SH3D19: variants seen among roughly 807,000 people sequenced by gnomAD.
The protein encoded by SH3D19 is SH3 domain containing 19, also known as SH3 domain-containing protein 19.
A neutral mutation model predicts 112.1 loss-of-function variants in SH3D19; 58 were observed. The observed-to-expected ratio is 0.52, with a 90% CI of 0.42 to 0.64. SH3D19 has a LOEUF of 0.64. SH3D19 is among the 30% of genes least tolerant of loss of function. The pLI, the probability that SH3D19 is intolerant of heterozygous loss-of-function variation, is 0.00. For synonymous variants in SH3D19, 391 were observed against 448.5 expected (o/e 0.87, Z 1.62); for missense variants, 1,090 against 1,263.4 (o/e 0.86, Z 2.08).
chr4:151,148,201 A>G lies in SH3D19; in HGVS notation c.1818-15T>C. The G allele has an allele frequency of 6.3e-7, 1 of 1,577,504 alleles. No individual in the cohort carries two copies. The highest frequency in any genetic ancestry group is 1.2e-5 in the South Asian group (1 of 83,560). ...CATTCACAGGTCTGAAAGTCAATGTAGTAGCCATGAGTCAGTGTTTTGATC... is the reference window on the plus strand; with the variant it reads ...CATTCACAGGTCTGAAAGTCAATGTGGTAGCCATGAGTCAGTGTTTTGATC... On this transcript the variant is annotated splice_polypyrimidine_tract_variant and intron_variant, in intron 10 of 19. Coordinates refer to ENST00000604030, the MANE Select transcript of SH3D19 (RefSeq NM_001378122.1).
chr4:151,204,658 A>G (rs1309753403), intron 2 of SH3D19, among the ~76,000 whole-genome samples: 1 of 152,228 alleles, frequency 6.6e-6, no homozygotes, highest in Non-Finnish European at 1.5e-5. Context: ...TGTTATTTTT[A>G]AAATCATGAT....
rs138418407 is a variant in SH3D19 at position 151,179,860 on chromosome 4, A to G, written c.194-463T>C. On this transcript the variant is annotated intron_variant, in intron 3 of 19. Coordinates refer to ENST00000604030, the MANE Select transcript of SH3D19 (RefSeq NM_001378122.1). ...TTTCATCTTTTGTCTAACTTATCTG[A>G]CATTTTATAACCTTTAAGTTGTTTT... Among the ~76,000 whole-genome samples the G allele has an allele frequency of 2.4e-4, 36 of 152,266 alleles. No individual in the cohort carries two copies. The East Asian group carries it at 6.9e-3, about 29-fold the overall frequency.
intron 2 of SH3D19, among the ~76,000 whole-genome samples, chr4:151,209,827 C>A (rs1765677306): frequency 6.6e-6 from 1 of 152,084 alleles, no homozygotes; most frequent in Non-Finnish European, 1.5e-5. Context: ...ATACAGATTT[C>A]CAGAGGCTGT....
intron 14 of SH3D19, among the ~76,000 whole-genome samples, 174 bp from the exon 15 acceptor site, chr4:151,135,306 T>A (rs978728941): frequency 2.0e-5 from 3 of 150,250 alleles, no homozygotes; most frequent in African/African-American, 4.9e-5. Flanking sequence ...GAATTTGGAT[T>A]AAAAAAAAAG....
rs867477223 is a variant in SH3D19, at chr4:151,139,811, C to A, written c.2260G>T (p.Ala754Ser). 1.2e-6 allele frequency: 2 copies of A among 1,614,156 alleles called. No homozygotes were observed. Among genetic ancestry groups the A allele is most frequent in the South Asian group, 2.2e-5 (2 of 91,066 alleles). The change falls in exon 13 of 20, where the codon GCT becomes TCT. Residue 754 changes from alanine (A) to serine (S), a missense_variant. Ala to Ser is a moderately conservative substitution (Grantham distance 99, BLOSUM62 1). Transcript: ENST00000604030. ...TCATGAAGAACGACAGCATGAGGAGCACCACTGTCAACAGGCTTCTGAGCG... is the reference window on the plus strand; with the variant it reads ...TCATGAAGAACGACAGCATGAGGAGAACCACTGTCAACAGGCTTCTGAGCG... ...SHAQKPVDSG[A>S]PHAVVLHDFP...
rs1158089079 is a variant in SH3D19, at chr4:151,174,948, G to A, written c.1256C>T (p.Ala419Val). The A allele has an allele frequency of 6.2e-7, 1 of 1,614,108 alleles. No individual in the cohort carries two copies. Among genetic ancestry groups the A allele is most frequent in the African/African-American group, 1.3e-5 (1 of 75,046 alleles). The change falls in exon 7 of 20, where the codon GCC becomes GTC. Residue 419 changes from alanine to valine, a missense_variant. Physicochemically the swap from Ala to Val is moderately conservative, Grantham distance 64. Coordinates refer to ENST00000604030, the MANE Select transcript of SH3D19 (RefSeq NM_001378122.1). Reference sequence around the variant, plus strand: ...TTTCTTCAGCAGCAAAGGCCGCGGGGCAGGAGTTGGCACTTTCTTCCCACT... The same window carrying A: ...TTTCTTCAGCAGCAAAGGCCGCGGGACAGGAGTTGGCACTTTCTTCCCACT... ...SDSGKKVPTP[A>V]PRPLLLKKSV...
At chr4:151,321,694 T>C (rs971982491) in intron 1 of SH3D19, among the ~76,000 whole-genome samples, 2 of 152,218 alleles carry the variant, frequency 1.3e-5, no homozygotes, top group African/African-American at 2.4e-5. Context: ...CTTAATTACA[T>C]GGAGTTTGCA....
intron 1 of SH3D19, among the ~76,000 whole-genome samples, chr4:151,308,839 T>C (rs1580460997): frequency 6.6e-6 from 1 of 152,212 alleles, no homozygotes; most frequent in East Asian, 1.9e-4. Context: ...CATTTTCAAA[T>C]ACCTTCTGAA....
chr4:151,312,767 G>C (rs898340347), intron 1 of SH3D19, among the ~76,000 whole-genome samples: 1 of 151,950 alleles, frequency 6.6e-6, no homozygotes, highest in Non-Finnish European at 1.5e-5. Flanking sequence ...TGGGCCTGGT[G>C]GTGGGCACCT....
At chr4:151,257,645 G>A (rs1772039933) in intron 1 of SH3D19, among the ~76,000 whole-genome samples, 2 of 152,142 alleles carry the variant, frequency 1.3e-5, no homozygotes, top group East Asian at 1.9e-4. Flanking sequence ...GGCTGGGTGC[G>A]GTGGCTCAAG....
chr4:151,296,603 C>T (rs1775732524), intron 1 of SH3D19, among the ~76,000 whole-genome samples: 1 of 152,122 alleles, frequency 6.6e-6, no homozygotes, highest in African/African-American at 2.4e-5. Flanking sequence ...ATAATAGGGA[C>T]ACCTTTACTT....
rs114415469 is a variant in SH3D19, at chr4:151,205,984, A to G, written c.153-18521T>C. ...CTTCACTATCTCACAAAAAGTTCAC[A>G]TACAGTTGACTGTTGAGAGGAAAAC... On this transcript the variant is annotated intron_variant, in intron 2 of 19. Coordinates refer to ENST00000604030, the MANE Select transcript of SH3D19 (RefSeq NM_001378122.1). 7.6e-3 allele frequency among the ~76,000 whole-genome samples: 1,163 copies of G among 152,288 alleles called. 14 individuals are homozygous for G. Among genetic ancestry groups the G allele is most frequent in the South Asian group, 0.025 (120 of 4,828 alleles).
intron 2 of SH3D19, among the ~76,000 whole-genome samples, chr4:151,198,336 A>AT (rs1300345040): frequency 7.2e-6 from 1 of 139,012 alleles, no homozygotes; most frequent in African/African-American, 2.6e-5. Flanking sequence ...ATAATATAAA[A>AT]ATATATATTA....
At chr4:151,301,163 C>T (rs1480238692) in intron 1 of SH3D19, among the ~76,000 whole-genome samples, 1 of 152,248 alleles carries the variant, frequency 6.6e-6, no homozygotes, top group Non-Finnish European at 1.5e-5. Flanking sequence ...AGTAGCTTCT[C>T]CATGGTTTAA....
At chr4:151,165,723 A>G (rs778194275) in intron 7 of SH3D19, 27 bp from the exon 8 acceptor site, 1 of 1,593,434 alleles carries the variant, frequency 6.3e-7, no homozygotes, top group South Asian at 1.1e-5. Context: ...TTTATTTTGC[A>G]TGTTTTAGTT....
intron 4 of SH3D19, 62 bp from the exon 5 acceptor site, chr4:151,177,017 A>C: frequency 1.6e-6 from 2 of 1,222,972 alleles, no homozygotes; most frequent in Non-Finnish European, 2.0e-6. Context: ...TCTATCTATA[A>C]ATGTTCAAAG....
intron 3 of SH3D19, among the ~76,000 whole-genome samples, chr4:151,180,628 G>A (rs902035274): frequency 3.3e-5 from 5 of 151,308 alleles, no homozygotes; most frequent in South Asian, 2.1e-4. Context: ...GGATGGTCTC[G>A]ATCTCCCGAC....
At position 151,187,237 on chromosome 4, in the gene SH3D19, G is replaced by T. The variant is rs187106222; in HGVS notation, c.193+186C>A. Among the ~76,000 whole-genome samples, 4 of 152,172 alleles carry T rather than the reference G, an allele frequency of 2.6e-5. No homozygotes were observed. In the South Asian group the frequency reaches 6.2e-4, roughly 24 times the overall value. ...CTGCAAGAGAAAAACACAGTTCTGA[G>T]AAACCGGCTTATCAATAAATATAGG... On this transcript the variant is annotated intron_variant, in intron 3 of 19. Coordinates refer to ENST00000604030, the MANE Select transcript of SH3D19 (RefSeq NM_001378122.1).
At chr4:151,298,180 A>C (rs1409487972) in intron 1 of SH3D19, among the ~76,000 whole-genome samples, 1 of 115,964 alleles carries the variant, frequency 8.6e-6, no homozygotes, top group Admixed American at 1.1e-4. Flanking sequence ...CAGAATAATA[A>C]ATTTTTTTTT....
Sources: gnomAD v4.1 joint callset for allele counts (sites outside exome capture counted in the v4.1 genomes callset) on GRCh38, gnomAD v4.1.1 for gene constraint, MANE v1.5 for transcripts, NCBI Gene and HGNC (gene_info 2026-07-23, HGNC 2026-07-21) for gene names.